The following ARPP21 variants were observed in gnomAD, a reference collection of about 807,000 sequenced individuals.
ARPP21 encodes cAMP-regulated phosphoprotein 21.
ARPP21 carries 69 observed loss-of-function variants against 113.2 expected under a neutral mutation model. The observed-to-expected ratio is 0.61, with a 90% CI of 0.50 to 0.74. ARPP21 has a LOEUF of 0.74. Ranked by LOEUF, ARPP21 falls within the 30% of genes least tolerant of loss-of-function variation. ARPP21 has a pLI of 0.00. For missense variants in ARPP21, 1,070 were observed against 1,037.4 expected, an observed-to-expected ratio of 1.03 and a Z score of -0.43; for synonymous variants, 368 against 375.5, an observed-to-expected ratio of 0.98 and a Z score of 0.23.
chr3:35,744,067 C>A, intron 19 of ARPP21, 102 bp downstream of exon 19: 2 of 1,214,934 alleles, frequency 1.6e-6, no homozygotes, highest in Non-Finnish European at 2.4e-6. Flanking sequence ...TTTAAACCAG[C>A]ACATTTTCTC....
Position 35,729,504 on chromosome 3 carries a change from C to G in ARPP21, c.1427C>G (p.Pro476Arg). 6.2e-7 allele frequency: 1 copy of G among 1,614,182 alleles called. No individual in the cohort carries two copies. Among genetic ancestry groups the G allele is most frequent in the South Asian group, 1.1e-5 (1 of 91,078 alleles). ...LLPLEAATGIPPGSILLNPHT... is the reference protein window; with the variant it reads ...LLPLEAATGIRPGSILLNPHT... Reference sequence around the variant, plus strand: ...CCACTTGAAGCTGCAACAGGCATCCCGCCTGGAAGCATCCTTCTTAATCCA... The same window carrying G: ...CCACTTGAAGCTGCAACAGGCATCCGGCCTGGAAGCATCCTTCTTAATCCA... The change falls in exon 15 of 21, where the codon CCG (proline) becomes CGG (arginine). Residue 476 changes from proline to arginine, a missense_variant. Transcript: ENST00000684406.
intron 18 of ARPP21, among the ~76,000 whole-genome samples, chr3:35,742,913 A>G (rs1397388022): frequency 1.3e-5 from 2 of 152,256 alleles, no homozygotes; most frequent in African/African-American, 4.8e-5. Context: ...AAGTGACCTT[A>G]ATATAAATGA....
intron 19 of ARPP21, among the ~76,000 whole-genome samples, chr3:35,752,797 A>G (rs1321074314): frequency 6.6e-6 from 1 of 152,094 alleles, no homozygotes; most frequent in Non-Finnish European, 1.5e-5. Context: ...GTTGTTGCAA[A>G]GGGAGAGGAC....
Position 35,739,390 on chromosome 3 carries a change from C to T in ARPP21, c.1823C>T (p.Pro608Leu). 1.2e-6 allele frequency: 2 copies of T among 1,614,154 alleles called. No individual in the cohort carries two copies. The highest frequency in any genetic ancestry group is 1.7e-6 in the Non-Finnish European group (2 of 1,180,032). ...TCCTCGGGGGAGACTCCTGAACCCC[C>T]ATCAGGTCCTGTCTACCCATCCTCC... The part of the protein sequence containing the change: ...RQSSGETPEP[P>L]SGPVYPSSLM... The change falls in exon 18 of 21, where the codon CCA becomes CTA. Residue 608 changes from proline to leucine, a missense_variant. Transcript: ENST00000684406.
chr3:35,671,650 G>A (rs566415284), intron 1 of ARPP21, among the ~76,000 whole-genome samples: 61 of 152,156 alleles, frequency 4.0e-4, no homozygotes, highest in Admixed American at 2.2e-3. Flanking sequence ...TAGGAACACC[G>A]TTGCCCCTGA....
intron 19 of ARPP21, among the ~76,000 whole-genome samples, chr3:35,748,067 G>GAAGGAAGGAAGA (rs1180382135): frequency 3.5e-5 from 3 of 86,954 alleles, no homozygotes; most frequent in East Asian, 6.4e-4. Flanking sequence ...AAGAAGGAAG[G>GAAGGAAGGAAGA]AAGAAAGAAA....
intron 19 of ARPP21, among the ~76,000 whole-genome samples, chr3:35,765,834 A>G (rs999177020): frequency 6.6e-6 from 1 of 152,172 alleles, no homozygotes; most frequent in African/African-American, 2.4e-5. Flanking sequence ...AATTTCTGCC[A>G]TTTATATCTG....
At chr3:35,713,249 A>T (rs992298489) in intron 11 of ARPP21, among the ~76,000 whole-genome samples, 18 of 296 alleles carry the variant, frequency 0.061, no homozygotes, top group South Asian at 0.38. Flanking sequence ...ACTTTTTTTA[A>T]AAAAAAGTTT....
chr3:35,749,077 A>G (rs184752352), intron 19 of ARPP21, among the ~76,000 whole-genome samples: 15 of 152,350 alleles, frequency 9.8e-5, no homozygotes, highest in Admixed American at 5.9e-4. Flanking sequence ...TGATTGCATA[A>G]AAACTGGCAT....
intron 1 of ARPP21, among the ~76,000 whole-genome samples, chr3:35,667,960 GA>G (rs1559549001): frequency 4.2e-4 from 25 of 59,044 alleles, no homozygotes; most frequent in African/African-American, 1.4e-3. Flanking sequence ...AGAAGAAGAA[GA>G]AGAAGAAGAA....
At chr3:35,787,213 A>C (rs2096651563) in intron 19 of ARPP21, among the ~76,000 whole-genome samples, 1 of 152,094 alleles carries the variant, frequency 6.6e-6, no homozygotes, top group Admixed American at 6.6e-5. Context: ...TTATAACCTA[A>C]TTTTATCTTT....
At chr3:35,705,827 T>C (rs969656805) in intron 9 of ARPP21, among the ~76,000 whole-genome samples, 6 of 152,210 alleles carry the variant, frequency 3.9e-5, no homozygotes, top group African/African-American at 1.4e-4. Flanking sequence ...TTTTTGCTAT[T>C]GTCTGCTCAT....
chr3:35,763,624 C>T lies in ARPP21; in HGVS notation c.2137+19659C>T, dbSNP rs568131398. Among the ~76,000 whole-genome samples, 55 of 152,164 alleles carry T rather than the reference C, an allele frequency of 3.6e-4. No individual in the cohort carries two copies. The South Asian group carries it at 3.9e-3, about 11-fold the overall frequency. ...AACAAAACCCCTGAAAATCCTTTAGCGGCTATTGTAAAATTGAATAGATAT... is the reference window on the plus strand; with the variant it reads ...AACAAAACCCCTGAAAATCCTTTAGTGGCTATTGTAAAATTGAATAGATAT... On this transcript the variant is annotated intron_variant, in intron 19 of 20. Coordinates refer to ENST00000684406, the MANE Select transcript of ARPP21 (RefSeq NM_001385562.1).
intron 15 of ARPP21, among the ~76,000 whole-genome samples, chr3:35,732,081 G>A (rs1457928740): frequency 2.6e-5 from 4 of 152,280 alleles, no homozygotes; most frequent in Non-Finnish European, 5.9e-5. Flanking sequence ...GGATAATGGA[G>A]CAGTTTTTCA....
intron 3 of ARPP21, 124 bp from the exon 4 acceptor site, chr3:35,682,724 T>G: frequency 1.3e-6 from 1 of 772,930 alleles, no homozygotes; most frequent in East Asian, 2.8e-5. Flanking sequence ...TATTATTGAC[T>G]TCTCTACTGT....
chr3:35,737,116 G>T, intron 15 of ARPP21, 62 bp from the exon 16 acceptor site: 1 of 982,512 alleles, frequency 1.0e-6, no homozygotes, highest in Non-Finnish European at 1.6e-6. Flanking sequence ...TAACAGAGTG[G>T]TTCTTCATGT....
At chr3:35,644,198 G>A (rs1446113807) in intron 1 of ARPP21, among the ~76,000 whole-genome samples, 1 of 151,826 alleles carries the variant, frequency 6.6e-6, no homozygotes, top group African/African-American at 2.4e-5. Context: ...GGGTGTCTTT[G>A]CTTCTGAGTG....
intron 1 of ARPP21, among the ~76,000 whole-genome samples, chr3:35,648,841 C>T (rs1363269246): frequency 1.3e-5 from 2 of 152,134 alleles, no homozygotes; most frequent in Non-Finnish European, 2.9e-5. Context: ...ATAGCCTAAT[C>T]AACTATTTAT....
chr3:35,667,959 A>AGAG (rs1328070519), intron 1 of ARPP21, among the ~76,000 whole-genome samples: 60 of 61,196 alleles, frequency 9.8e-4, no homozygotes, highest in African/African-American at 3.3e-3. Flanking sequence ...AAGAAGAAGA[A>AGAG]GAAGAAGAAG....
Sources: allele counts gnomAD v4.1 joint callset (sites outside exome capture counted in the v4.1 genomes callset), GRCh38; gene constraint gnomAD v4.1.1; transcripts MANE v1.5; gene names NCBI Gene and HGNC (gene_info 2026-07-23, HGNC 2026-07-21).